SCPEP1: variants seen among roughly 807,000 people sequenced by gnomAD.
SCPEP1 encodes retinoid-inducible serine carboxypeptidase.
In SCPEP1, 51 loss-of-function variants were observed where a neutral mutation model predicts 63.8. That is an observed-to-expected ratio of 0.80 (90% confidence interval 0.64 to 1.01). SCPEP1 has a LOEUF of 1.01. Among genes scored for constraint, SCPEP1 ranks in the 50% least tolerant of loss-of-function variants. The probability of loss-of-function intolerance (pLI) is 0.00; values close to 1 mark genes in which losing one functional copy is unlikely to be tolerated. For missense variants in SCPEP1, 499 were observed against 554.9 expected (o/e 0.90, Z 1.01); for synonymous variants, 204 against 207.8 (o/e 0.98, Z 0.16).
chr17:56,997,074 T>A lies in SCPEP1; in HGVS notation c.880+19T>A. 6.8e-7 allele frequency: 1 copy of A among 1,460,836 alleles called. No individual in the cohort carries two copies. Among genetic ancestry groups the A allele is most frequent in the Non-Finnish European group, 9.3e-7 (1 of 1,075,080 alleles). 90.5% of individuals were successfully genotyped at this position (1,460,836 alleles called of 1,614,324 possible). On this transcript the variant is annotated intron_variant, in intron 9 of 12. Coordinates refer to ENST00000262288, the MANE Select transcript of SCPEP1 (RefSeq NM_021626.3). The stretch of plus-strand genomic sequence containing the variant: ...CACCTAGGTGAGTGAACCTTGAAGT[T>A]ATTAAAGTCCCTGCCTCAGCCTCCA...
rs1256593433 is a variant in SCPEP1 at position 56,991,271 on chromosome 17, A to G, written c.619+100A>G. ...CCAGATCAAAGAGCTAAGCAGGAGA[A>G]TGTTCTGGGCCCTTAGAGAAAGTGT... On this transcript the variant is annotated intron_variant, in intron 6 of 12. Transcript: ENST00000262288. The G allele has an allele frequency of 4.4e-6, 4 of 916,888 alleles. No homozygotes were observed. The African/African-American group carries it at 4.9e-5, about 11-fold the overall frequency. 56.8% of individuals were successfully genotyped at this position (916,888 alleles called of 1,614,324 possible).
intron 8 of SCPEP1, 160 bp downstream of exon 8, chr17:56,995,795 A>T: frequency 1.6e-6 from 1 of 628,718 alleles, no homozygotes; most frequent in Non-Finnish European, 2.3e-6. Context: ...CTAAGCAGTG[A>T]TGTAGTGGCT....
intron 6 of SCPEP1, among the ~76,000 whole-genome samples, chr17:56,994,689 G>A (rs1911493905): frequency 6.6e-6 from 1 of 152,152 alleles, no homozygotes; most frequent in Admixed American, 6.5e-5. Context: ...CCTGCCTGTG[G>A]GGATGCTGTC....
intron 1 of SCPEP1, 91 bp downstream of exon 1, chr17:56,978,326 GTC>G: frequency 7.2e-7 from 1 of 1,381,002 alleles, no homozygotes; most frequent in Non-Finnish European, 9.5e-7. Flanking sequence ...TTGAAAACAT[GTC>G]TCTTTTCCCC....
chr17:57,001,074 T>TG (rs1395466839), intron 11 of SCPEP1, 82 bp downstream of exon 11: 4 of 1,437,680 alleles, frequency 2.8e-6, no homozygotes, highest in African/African-American at 1.4e-5. Flanking sequence ...ATGTCAGTCT[T>TG]GCGGTGGGTG....
At chr17:56,998,565 G>T (rs554323244) in intron 10 of SCPEP1, 67 bp downstream of exon 10, 5 of 1,232,882 alleles carry the variant, frequency 4.1e-6, no homozygotes, top group East Asian at 4.7e-5. Context: ...CAAATTCAGA[G>T]ACCTGAATTT....
chr17:56,993,135 T>G (rs1195435473), intron 6 of SCPEP1, among the ~76,000 whole-genome samples: 1 of 152,244 alleles, frequency 6.6e-6, no homozygotes, highest in Admixed American at 6.5e-5. Flanking sequence ...GGTCTTGATC[T>G]GCACTGTCAC....
intron 2 of SCPEP1, 46 bp downstream of exon 2, chr17:56,981,276 T>C: frequency 6.2e-7 from 1 of 1,605,334 alleles, no homozygotes; most frequent in Non-Finnish European, 8.5e-7. Flanking sequence ...CCAAGTCTCC[T>C]CTGTGTGGCT....
chr17:56,988,655 A>G (rs1190627934), intron 5 of SCPEP1, among the ~76,000 whole-genome samples: 1 of 151,854 alleles, frequency 6.6e-6, no homozygotes, highest in African/African-American at 2.4e-5. Flanking sequence ...TAACGTTTCA[A>G]ATCATTGGGG....
chr17:57,000,931 G>T lies in SCPEP1; in HGVS notation c.1071G>T (p.Leu357=), dbSNP rs750907717. 3.1e-6 allele frequency: 5 copies of T among 1,614,080 alleles called. No homozygotes were observed. Among genetic ancestry groups the T allele is most frequent in the Admixed American group, 3.3e-5 (2 of 60,006 alleles). The change falls in exon 11 of 13, where the codon CTG becomes CTT. Residue 357 remains leucine (L), a synonymous_variant. Coordinates refer to ENST00000262288, the MANE Select transcript of SCPEP1 (RefSeq NM_021626.3). Reference sequence around the variant, plus strand: ...TCATTAGCATTGTGGACGAGTTGCTGGAGGCAGGGATCAACGTGACGGTGT... The same window carrying T: ...TCATTAGCATTGTGGACGAGTTGCTTGAGGCAGGGATCAACGTGACGGTGT... ...KPVISIVDEL[L]EAGINVTVYN...
chr17:56,985,661 T>C (rs111288372), intron 3 of SCPEP1, among the ~76,000 whole-genome samples, 194 bp downstream of exon 3: 1,876 of 152,216 alleles, frequency 0.012, 40 homozygotes, highest in African/African-American at 0.043. Flanking sequence ...GGACAGCTTA[T>C]CTTGCACCAG....
At chr17:56,996,135 A>T (rs1911551327) in intron 8 of SCPEP1, among the ~76,000 whole-genome samples, 1 of 152,154 alleles carries the variant, frequency 6.6e-6, no homozygotes. Context: ...GAGTGGGCTG[A>T]CACAGCTGGT....
chr17:56,995,035 C>T lies in SCPEP1; in HGVS notation c.657+17C>T. On this transcript the variant is annotated intron_variant, in intron 7 of 12. Transcript: ENST00000262288. Reference sequence around the variant, plus strand: ...TACAGCATGGTAAGTAGATACACATCTGCACCCTCTGGGCAAACAGCCCAG... The same window carrying T: ...TACAGCATGGTAAGTAGATACACATTTGCACCCTCTGGGCAAACAGCCCAG... 2 of 1,608,756 alleles carry T rather than the reference C, an allele frequency of 1.2e-6. No homozygotes were observed. The highest frequency in any genetic ancestry group is 1.7e-6 in the Non-Finnish European group (2 of 1,175,218).
intron 10 of SCPEP1, among the ~76,000 whole-genome samples, chr17:56,999,855 G>A (rs1010105186): frequency 2.6e-5 from 4 of 152,152 alleles, no homozygotes; most frequent in African/African-American, 9.7e-5. Context: ...GGTGGCACAT[G>A]CCTGTAATCC....
At chr17:57,001,072 C>G in intron 11 of SCPEP1, 80 bp downstream of exon 11, 1 of 1,457,146 alleles carries the variant, frequency 6.9e-7, no homozygotes, top group Non-Finnish European at 9.6e-7. Flanking sequence ...ACATGTCAGT[C>G]TTGCGGTGGG....
At chr17:57,006,120 C>G in intron 12 of SCPEP1, 53 bp from the exon 13 acceptor site, 2 of 1,479,188 alleles carry the variant, frequency 1.4e-6, no homozygotes, top group Non-Finnish European at 1.9e-6. Context: ...GCCTCTGACC[C>G]CAGCCCCAGG....
chr17:57,002,901 A>T (rs1028564872), intron 12 of SCPEP1, among the ~76,000 whole-genome samples: 12 of 151,982 alleles, frequency 7.9e-5, no homozygotes, highest in African/African-American at 2.7e-4. Context: ...AGAAAAATTA[A>T]AAAAGAAATA....
At chr17:56,984,249 A>G (rs1198167604) in intron 2 of SCPEP1, 2 of 151,576 alleles carry the variant, frequency 1.3e-5, no homozygotes, top group East Asian at 1.9e-4. Flanking sequence ...TCCCTTTCCT[A>G]CCCATCCTGC....
chr17:56,998,826 G>A (rs1354681940), intron 10 of SCPEP1, among the ~76,000 whole-genome samples: 2 of 152,072 alleles, frequency 1.3e-5, no homozygotes, highest in Admixed American at 6.6e-5. Flanking sequence ...GGTGGCATGT[G>A]GCATATAGTT....
Sources: allele counts gnomAD v4.1 joint callset (sites outside exome capture counted in the v4.1 genomes callset), GRCh38; gene constraint gnomAD v4.1.1; transcripts MANE v1.5; gene names NCBI Gene and HGNC (gene_info 2026-07-23, HGNC 2026-07-21).